Variants in ADAMTS6 observed in about 807,000 individuals in gnomAD.
ADAMTS6 encodes the protein ADAM metallopeptidase with thrombospondin type 1 motif 6.
In ADAMTS6, 23 loss-of-function variants were observed where a neutral mutation model predicts 144.3. The ratio of observed to expected loss-of-function variants is 0.16; its 90% CI spans 0.11 to 0.23. ADAMTS6 has a LOEUF of 0.23. Among genes scored for constraint, ADAMTS6 ranks in the 10% least tolerant of loss-of-function variants. The pLI, the probability that ADAMTS6 is intolerant of heterozygous loss-of-function variation, is 1.00. For synonymous variants in ADAMTS6, 444 were observed against 457.5 expected (o/e 0.97, Z 0.38); for missense variants, 999 against 1,379.6 (o/e 0.72, Z 4.37).
chr5:65,368,419 T>G (rs1227254033), intron 7 of ADAMTS6, among the ~76,000 whole-genome samples: 2 of 152,234 alleles, frequency 1.3e-5, no homozygotes, highest in African/African-American at 4.8e-5. Flanking sequence ...AATGCTTTTT[T>G]CTGTGCCTTC....
chr5:65,208,340 C>T (rs960182390), intron 20 of ADAMTS6, among the ~76,000 whole-genome samples: 5 of 152,186 alleles, frequency 3.3e-5, no homozygotes, highest in African/African-American at 1.2e-4. Flanking sequence ...AGAAGACTCT[C>T]TGGGGGTGGG....
At chr5:65,389,777 T>C (rs1752761800) in intron 7 of ADAMTS6, among the ~76,000 whole-genome samples, 1 of 152,172 alleles carries the variant, frequency 6.6e-6, no homozygotes, top group Non-Finnish European at 1.5e-5. Flanking sequence ...CAAAATTTGA[T>C]TTCAGTTTTC....
At chr5:65,237,912 C>T (rs1177475194) in intron 15 of ADAMTS6, among the ~76,000 whole-genome samples, 2 of 151,900 alleles carry the variant, frequency 1.3e-5, no homozygotes, top group Non-Finnish European at 1.5e-5. Flanking sequence ...CATGACAAAA[C>T]CCCATCTCTA....
chr5:65,425,644 G>A (rs563338381), intron 7 of ADAMTS6, among the ~76,000 whole-genome samples: 1 of 152,116 alleles, frequency 6.6e-6, no homozygotes, highest in South Asian at 2.1e-4. Flanking sequence ...TCTGTCCTTG[G>A]TGCAATTTAG....
chr5:65,454,170 C>T (rs944736091), intron 4 of ADAMTS6, among the ~76,000 whole-genome samples: 3 of 152,214 alleles, frequency 2.0e-5, no homozygotes, highest in African/African-American at 7.2e-5. Context: ...TGAGACGACC[C>T]TCACCAGATG....
chr5:65,358,354 A>AACATCATATT (rs1403358176), intron 7 of ADAMTS6, among the ~76,000 whole-genome samples: 1 of 152,158 alleles, frequency 6.6e-6, no homozygotes, highest in Admixed American at 6.5e-5. Flanking sequence ...GCCCACAGGT[A>AACATCATATT]ACATCATATT....
At position 65,329,475 on chromosome 5, in the gene ADAMTS6, A is replaced by G. The variant is rs778965133; in HGVS notation, c.1126T>C (p.Ser376Pro). ...TCAGGCTCACACATTCCAGCCACAG[A>G]GGCCAAGCCTGAATAAACAGAAAGA... ...NKPCGTLGLA[S>P]VAGMCEPERS... Residue 376 changes from serine (S) to proline (P), a missense_variant, in exon 9 of 25, where the codon TCT becomes CCT. Transcript: ENST00000381055. 5 of 1,610,404 alleles carry G rather than the reference A, an allele frequency of 3.1e-6. No individual in the cohort carries two copies. The African/African-American group carries it at 6.7e-5, about 22-fold the overall frequency.
chr5:65,352,636 A>G (rs568869716), intron 7 of ADAMTS6, among the ~76,000 whole-genome samples: 85 of 152,278 alleles, frequency 5.6e-4, no homozygotes, highest in African/African-American at 1.9e-3. Flanking sequence ...AAGGTAAGAC[A>G]CAGTAATATC....
At chr5:65,406,111 C>T (rs987043934) in intron 7 of ADAMTS6, among the ~76,000 whole-genome samples, 3 of 152,146 alleles carry the variant, frequency 2.0e-5, no homozygotes, top group African/African-American at 7.2e-5. Context: ...ATTTGACTTC[C>T]TCTTTTCCTA....
chr5:65,255,510 A>T (rs1471587377), intron 14 of ADAMTS6, among the ~76,000 whole-genome samples: 1 of 152,156 alleles, frequency 6.6e-6, no homozygotes, highest in African/African-American at 2.4e-5. Flanking sequence ...TGATGTTTGA[A>T]AACCTGAAAA....
Position 65,230,539 on chromosome 5 carries a change from T to C in ADAMTS6, c.1934-4320A>G, listed in dbSNP as rs13160581. ...CATGATATATATGAAATATATATAATACATGATATATATGAAATATATATA... is the reference window on the plus strand; with the variant it reads ...CATGATATATATGAAATATATATAACACATGATATATATGAAATATATATA... On this transcript the variant is annotated intron_variant, in intron 15 of 24. Coordinates refer to ENST00000381055, the MANE Select transcript of ADAMTS6 (RefSeq NM_197941.4). Among the ~76,000 whole-genome samples the C allele has an allele frequency of 1.1e-4, 9 of 82,840 alleles. 1 individual carries two copies. Among genetic ancestry groups the C allele is most frequent in the Non-Finnish European group, 1.4e-4 (7 of 49,226 alleles). The allele number at this position is 82,840 out of a possible 152,430, so 54.3% of individuals were successfully genotyped here.
At chr5:65,371,860 G>A (rs12018053) in intron 7 of ADAMTS6, among the ~76,000 whole-genome samples, 37,899 of 151,902 alleles carry the variant, frequency 0.25, 6,060 homozygotes, top group South Asian at 0.37. Context: ...AAATGTTAAG[G>A]GCAGCCAGAG....
intron 7 of ADAMTS6, among the ~76,000 whole-genome samples, chr5:65,372,747 C>A (rs2150122653): frequency 6.6e-6 from 1 of 152,240 alleles, no homozygotes; most frequent in South Asian, 2.1e-4. Context: ...CAGCTCTGCA[C>A]CAAGCAGACC....
chr5:65,458,772 T>C (rs1759419900), intron 4 of ADAMTS6, among the ~76,000 whole-genome samples: 3 of 152,182 alleles, frequency 2.0e-5, no homozygotes, highest in African/African-American at 7.2e-5. Flanking sequence ...TAAGCTGAAA[T>C]CTCTCTGAAA....
At chr5:65,226,055 C>T (rs763001727) in intron 16 of ADAMTS6, 31 bp downstream of exon 16, 47 of 1,568,438 alleles carry the variant, frequency 3.0e-5, no homozygotes, top group Non-Finnish European at 4.1e-5. Flanking sequence ...GTCTCAAAAA[C>T]CCCAACAGAA....
chr5:65,355,964 T>G (rs1406709347), intron 7 of ADAMTS6, among the ~76,000 whole-genome samples: 1 of 151,868 alleles, frequency 6.6e-6, no homozygotes, highest in Non-Finnish European at 1.5e-5. Flanking sequence ...TCCCCTAATT[T>G]TATTGTTTCA....
rs765908920 is a variant in ADAMTS6, at chr5:65,188,007, T to C, written c.2910+9A>G. The C allele has an allele frequency of 1.9e-6, 3 of 1,613,738 alleles. No individual in the cohort carries two copies. In the East Asian group the frequency reaches 6.7e-5, roughly 36 times the overall value. ...CAAAACATATACATATAGCCTCAGA[T>C]TTCCTTACCTCAGACCAGTCCAAAG... is the stretch of plus-strand genomic sequence containing the variant. On this transcript the variant is annotated intron_variant, in intron 22 of 24. Transcript: ENST00000381055.
chr5:65,455,004 A>G (rs1428636644), intron 4 of ADAMTS6, among the ~76,000 whole-genome samples: 3 of 152,210 alleles, frequency 2.0e-5, no homozygotes, highest in Admixed American at 6.5e-5. Context: ...GCTTTTCCAC[A>G]TCAATATAAC....
chr5:65,410,600 T>C (rs1380360063), intron 7 of ADAMTS6, among the ~76,000 whole-genome samples: 2 of 152,188 alleles, frequency 1.3e-5, no homozygotes, highest in Non-Finnish European at 2.9e-5. Flanking sequence ...TCATTAACTA[T>C]AGCCACCATG....
Sources: allele counts gnomAD v4.1 joint callset (sites outside exome capture counted in the v4.1 genomes callset), GRCh38; gene constraint gnomAD v4.1.1; transcripts MANE v1.5; gene names NCBI Gene and HGNC (gene_info 2026-07-23, HGNC 2026-07-21).